Variants in FYB1 observed in about 807,000 individuals in gnomAD.
FYB1 encodes the protein FYN binding protein 1, also known as FYN-binding protein 1.
In FYB1, 41 loss-of-function variants were observed where a neutral mutation model predicts 94.1. That is an observed-to-expected ratio of 0.44 (90% CI 0.34 to 0.57). The LOEUF (loss-of-function observed/expected upper bound fraction) is 0.57, where lower values mean the gene tolerates loss of function less well. FYB1 is among the 20% of genes least tolerant of loss of function. FYB1 has a pLI of 0.02. For missense variants in FYB1, 1,050 were observed against 976.8 expected (o/e 1.07, Z -1.00); for synonymous variants, 367 against 353.2 (o/e 1.04, Z -0.44).
rs1760340479 is a variant in FYB1, at chr5:39,105,770, G to A, written c.*1673C>T. 1 of 151,976 alleles carries A rather than the reference G, an allele frequency of 6.6e-6. No individual in the cohort carries two copies. Among genetic ancestry groups the A allele is most frequent in the African/African-American group, 2.4e-5 (1 of 41,372 alleles). The allele number at this position is 151,976 out of a possible 1,614,324, so 9.4% of individuals were successfully genotyped here. A position where few individuals can be genotyped will look rare whatever the true frequency, so the allele number is the denominator to read the frequency against. Reference sequence around the variant, plus strand: ...TAGTGTGAAAAGAAATTAATCACATGGTCATATACTGGCTAGTGCTCTCTA... The same window carrying A: ...TAGTGTGAAAAGAAATTAATCACATAGTCATATACTGGCTAGTGCTCTCTA... On this transcript the variant is annotated 3_prime_UTR_variant, in exon 19 of 19. Coordinates refer to ENST00000512982, the MANE Select transcript of FYB1 (RefSeq NM_001465.6).
chr5:39,255,839 G>A (rs1194466941), intron 1 of FYB1, among the ~76,000 whole-genome samples: 1 of 152,124 alleles, frequency 6.6e-6, no homozygotes, highest in Non-Finnish European at 1.5e-5. Flanking sequence ...TCTCAGTGTG[G>A]AGGATGCAAC....
chr5:39,232,254 C>T (rs1456074824), intron 1 of FYB1, among the ~76,000 whole-genome samples: 2 of 152,104 alleles, frequency 1.3e-5, no homozygotes, highest in African/African-American at 4.8e-5. Flanking sequence ...AAAAAAGGAA[C>T]ATTTAATATA....
At chr5:39,144,670 C>T (rs1742487888) in intron 3 of FYB1, among the ~76,000 whole-genome samples, 2 of 151,974 alleles carry the variant, frequency 1.3e-5, no homozygotes. Context: ...AGTGTGGTGG[C>T]GGGCGTCTGT....
intron 2 of FYB1, among the ~76,000 whole-genome samples, chr5:39,173,204 G>A (rs1284282673): frequency 6.6e-6 from 1 of 152,124 alleles, no homozygotes; most frequent in Non-Finnish European, 1.5e-5. Context: ...GATGATTAGC[G>A]ATGTTGAGCA....
In FYB1 at chr5:39,219,400, T is replaced by A. The variant is rs184396951; in HGVS notation, c.-28+43A>T. 6.3e-4 allele frequency: 623 copies of A among 983,278 alleles called. 5 individuals carry two copies. The African/African-American group carries it at 0.01, about 16-fold the overall frequency. The allele number at this position is 983,278 out of a possible 1,614,324, so 60.9% of individuals were successfully genotyped here. A position where few individuals can be genotyped will look rare whatever the true frequency, so the allele number is the denominator to read the frequency against. ...GGTGCTTTTTTCCTGCTATAAAAAA[T>A]TACACATTTATTTGAAAGAAGAAAC... is the stretch of plus-strand genomic sequence containing the variant. On this transcript the variant is annotated intron_variant, in intron 1 of 18. Coordinates refer to ENST00000512982, the MANE Select transcript of FYB1 (RefSeq NM_001465.6).
chr5:39,180,836 C>G (rs925515088), intron 2 of FYB1, among the ~76,000 whole-genome samples: 10 of 152,144 alleles, frequency 6.6e-5, no homozygotes, highest in Admixed American at 6.6e-4. Flanking sequence ...TTTATTGAAG[C>G]AGTCTTGTGA....
At chr5:39,244,883 C>T (rs1561304134) in intron 1 of FYB1, among the ~76,000 whole-genome samples, 1 of 151,990 alleles carries the variant, frequency 6.6e-6, no homozygotes, top group Non-Finnish European at 1.5e-5. Context: ...GTGTATGTGT[C>T]GAGGTATTTA....
Position 39,134,261 on chromosome 5 carries a change from A to G in FYB1, c.1764T>C (p.Ile588=). 6.2e-7 allele frequency: 1 copy of G among 1,612,050 alleles called. No homozygotes were observed. Among genetic ancestry groups the G allele is most frequent in the Non-Finnish European group, 8.5e-7 (1 of 1,178,300 alleles). The change falls in exon 9 of 19, where the codon ATT becomes ATC. Residue 588 remains isoleucine (I), a synonymous_variant. Coordinates refer to ENST00000512982, the MANE Select transcript of FYB1 (RefSeq NM_001465.6). The stretch of plus-strand genomic sequence containing the variant: ...CATCATATACTTCTTGGTCATCTTC[A>G]ATAGGTCTTGAAGGGGCACCAAGAG... ...KDSLGAPSRP[I]EDDQEVYDDV...
At chr5:39,168,904 A>T (rs1744993073) in intron 2 of FYB1, among the ~76,000 whole-genome samples, 1 of 152,196 alleles carries the variant, frequency 6.6e-6, no homozygotes, top group Admixed American at 6.5e-5. Flanking sequence ...GTCACCTAAC[A>T]TATAGATGGT....
At chr5:39,167,934 C>T (rs16868219) in intron 2 of FYB1, among the ~76,000 whole-genome samples, 5,528 of 134,410 alleles carry the variant, frequency 0.041, 348 homozygotes, top group African/African-American at 0.13. Flanking sequence ...GGCAAAAATT[C>T]TACTCCACAA....
chr5:39,222,479 T>C (rs2150556680), upstream of FYB1, among the ~76,000 whole-genome samples: 2 of 152,338 alleles, frequency 1.3e-5, no homozygotes, highest in East Asian at 3.9e-4. Flanking sequence ...AATTTATATC[T>C]CTCAGCCTCT....
chr5:39,197,276 T>C (rs532319872), intron 2 of FYB1, among the ~76,000 whole-genome samples: 5 of 152,196 alleles, frequency 3.3e-5, no homozygotes, highest in Admixed American at 2.6e-4. Flanking sequence ...TAATAGAATC[T>C]CATTTTTTCT....
At chr5:39,271,165 A>G (rs1318176267) in intron 1 of FYB1, among the ~76,000 whole-genome samples, 5 of 152,158 alleles carry the variant, frequency 3.3e-5, no homozygotes, top group Admixed American at 6.5e-5. Context: ...CTCCAATTAT[A>G]TTTAAATTCA....
At chr5:39,169,920 A>G in intron 2 of FYB1, 1 of 628,602 alleles carries the variant, frequency 1.6e-6, no homozygotes. Context: ...CCACCCTCCC[A>G]GTAGGCTCCT....
chr5:39,133,454 CAA>C, intron 9 of FYB1, among the ~76,000 whole-genome samples: 1 of 151,322 alleles, frequency 6.6e-6, no homozygotes, highest in East Asian at 1.9e-4. Flanking sequence ...TGGAAAAGTA[CAA>C]AAGAGACAAA....
At chr5:39,211,605 G>A (rs1036165660) in intron 1 of FYB1, among the ~76,000 whole-genome samples, 12 of 151,966 alleles carry the variant, frequency 7.9e-5, no homozygotes, top group African/African-American at 2.2e-4. Context: ...CACTGCGCCC[G>A]GCCTATTTCT....
chr5:39,273,108 C>G (rs977281944), intron 1 of FYB1, among the ~76,000 whole-genome samples: 23 of 152,264 alleles, frequency 1.5e-4, no homozygotes, highest in African/African-American at 5.5e-4. Flanking sequence ...AGTGAGGAGC[C>G]CCTCTGCCCG....
intron 2 of FYB1, among the ~76,000 whole-genome samples, chr5:39,183,436 G>C (rs1376981372): frequency 2.0e-5 from 3 of 152,150 alleles, no homozygotes; most frequent in Non-Finnish European, 2.9e-5. Flanking sequence ...GAAGCACTGG[G>C]TAGAGTGTCG....
chr5:39,131,032 C>G (rs1340174045), intron 9 of FYB1, among the ~76,000 whole-genome samples: 1 of 152,030 alleles, frequency 6.6e-6, no homozygotes, highest in Non-Finnish European at 1.5e-5. Flanking sequence ...TATCTTTTGA[C>G]CACAGCATTT....
Sources: allele counts gnomAD v4.1 joint callset (sites outside exome capture counted in the v4.1 genomes callset), GRCh38; gene constraint gnomAD v4.1.1; transcripts MANE v1.5; gene names NCBI Gene and HGNC (gene_info 2026-07-23, HGNC 2026-07-21).